KCNAB1: variants seen among roughly 807,000 people sequenced by gnomAD.
KCNAB1 encodes potassium voltage-gated channel subfamily A regulatory beta subunit 1, also known as voltage-gated potassium channel subunit beta-1.
In KCNAB1, 35 loss-of-function variants were observed where a neutral mutation model predicts 64.6. The ratio of observed to expected loss-of-function variants is 0.54; its 90% CI spans 0.41 to 0.72. The LOEUF (loss-of-function observed/expected upper bound fraction) is 0.72, where lower values mean the gene tolerates loss of function less well. Ranked by LOEUF, KCNAB1 falls within the 30% of genes least tolerant of loss-of-function variation. The pLI, the probability that KCNAB1 is intolerant of heterozygous loss-of-function variation, is 0.00. For synonymous variants in KCNAB1, 177 were observed against 183.8 expected (o/e 0.96, Z 0.30); for missense variants, 401 against 512.9 (o/e 0.78, Z 2.11).
chr3:156,444,146 GA>G (rs1245467741), intron 2 of KCNAB1, among the ~76,000 whole-genome samples: 1 of 152,218 alleles, frequency 6.6e-6, no homozygotes, highest in East Asian at 1.9e-4. Flanking sequence ...ATGCGAGCCA[GA>G]ACAAGGAAGA....
chr3:156,356,121 A>G (rs1223398533), intron 1 of KCNAB1, among the ~76,000 whole-genome samples: 6 of 148,744 alleles, frequency 4.0e-5, no homozygotes, highest in Middle Eastern at 3.4e-3. Context: ...GACCCTGTAA[A>G]AAAAAAAAAA....
intron 3 of KCNAB1, among the ~76,000 whole-genome samples, chr3:156,455,519 G>A (rs1215786141): frequency 6.6e-6 from 1 of 152,158 alleles, no homozygotes; most frequent in Non-Finnish European, 1.5e-5. Context: ...ATAATGATGA[G>A]AGCATATTAA....
At chr3:156,329,745 C>A (rs1723209295) in intron 1 of KCNAB1, among the ~76,000 whole-genome samples, 1 of 152,106 alleles carries the variant, frequency 6.6e-6, no homozygotes, top group South Asian at 2.1e-4. Flanking sequence ...CCACAGGGAC[C>A]ATCCAATAGA....
intron 1 of KCNAB1, among the ~76,000 whole-genome samples, chr3:156,155,344 T>C (rs2108300281): frequency 6.6e-6 from 1 of 152,312 alleles, no homozygotes; most frequent in South Asian, 2.1e-4. Context: ...TTTTAAAGGA[T>C]TTAATTCTAG....
At chr3:156,400,350 A>G (rs1454420279) in intron 1 of KCNAB1, among the ~76,000 whole-genome samples, 2 of 152,188 alleles carry the variant, frequency 1.3e-5, no homozygotes, top group African/African-American at 4.8e-5. Context: ...GCCCTTGTCA[A>G]TCGAAGGCAG....
chr3:156,483,223 C>T (rs1714959817), intron 8 of KCNAB1, among the ~76,000 whole-genome samples: 1 of 152,046 alleles, frequency 6.6e-6, no homozygotes, highest in Non-Finnish European at 1.5e-5. Flanking sequence ...CAGTAGTATA[C>T]TTGGAAAGAC....
intron 1 of KCNAB1, among the ~76,000 whole-genome samples, chr3:156,177,873 G>A (rs925116929): frequency 2.6e-5 from 4 of 151,518 alleles, no homozygotes; most frequent in African/African-American, 9.7e-5. Flanking sequence ...GAGTAGCTGG[G>A]ATTATAGGCG....
At chr3:156,488,921 GAA>G (rs1576931800) in intron 8 of KCNAB1, among the ~76,000 whole-genome samples, 2 of 152,258 alleles carry the variant, frequency 1.3e-5, no homozygotes, top group East Asian at 3.9e-4. Flanking sequence ...GTGACTGAAA[GAA>G]AAGAGTGAAG....
intron 1 of KCNAB1, among the ~76,000 whole-genome samples, chr3:156,209,982 A>G (rs1383858673): frequency 6.6e-6 from 1 of 152,216 alleles, no homozygotes; most frequent in East Asian, 1.9e-4. Flanking sequence ...TTAGCTTGAT[A>G]TTAATTTAAA....
At chr3:156,122,142 G>C (rs576101743) in intron 1 of KCNAB1, among the ~76,000 whole-genome samples, 1 of 151,450 alleles carries the variant, frequency 6.6e-6, no homozygotes, top group African/African-American at 2.4e-5. Flanking sequence ...TGTATATGCT[G>C]TTGGGCCCAC....
At chr3:156,182,187 C>A (rs1454984020) in intron 1 of KCNAB1, among the ~76,000 whole-genome samples, 1 of 152,136 alleles carries the variant, frequency 6.6e-6, no homozygotes, top group Admixed American at 6.5e-5. Context: ...AAGTCTAATA[C>A]CTTCTGCAAG....
At chr3:156,150,219 T>G (rs1475410439) in intron 1 of KCNAB1, among the ~76,000 whole-genome samples, 1 of 152,222 alleles carries the variant, frequency 6.6e-6, no homozygotes, top group African/African-American at 2.4e-5. Flanking sequence ...GAAAGGGGCT[T>G]ATTCAAAACA....
intron 1 of KCNAB1, among the ~76,000 whole-genome samples, chr3:156,207,159 A>G (rs752567733): frequency 7.2e-5 from 11 of 152,218 alleles, no homozygotes; most frequent in Non-Finnish European, 1.6e-4. Context: ...GCCTACATCA[A>G]TAAGAGGCCT....
chr3:156,311,435 G>T (rs969676503), intron 1 of KCNAB1, among the ~76,000 whole-genome samples: 2 of 152,210 alleles, frequency 1.3e-5, no homozygotes, highest in African/African-American at 4.8e-5. Context: ...AGGCTTCAGG[G>T]AGAAGGTAGG....
rs1274026196 is a variant in KCNAB1, at chr3:156,536,886, G to A, written c.*139G>A. ...AGTGTCCCTCCCTGGATTCTTTGAG[G>A]TGTCTGCTGTCGCTACCACTGTGCA... On this transcript the variant is annotated 3_prime_UTR_variant, in exon 14 of 14. Transcript: ENST00000490337. The A allele has an allele frequency of 1.2e-5, 8 of 647,260 alleles. No homozygotes were observed. In the East Asian group the frequency reaches 1.9e-4, roughly 15 times the overall value. The allele number at this position is 647,260 out of a possible 1,614,324, so 40.1% of individuals were successfully genotyped here.
At chr3:156,124,517 G>A (rs1417581120) in intron 1 of KCNAB1, among the ~76,000 whole-genome samples, 7 of 151,800 alleles carry the variant, frequency 4.6e-5, no homozygotes, top group South Asian at 2.1e-4. Flanking sequence ...GTGCCTGGCC[G>A]AGGCTCTATT....
At chr3:156,404,602 G>A (rs1053730355) in intron 1 of KCNAB1, among the ~76,000 whole-genome samples, 1 of 152,178 alleles carries the variant, frequency 6.6e-6, no homozygotes. Flanking sequence ...AATAGGTTAA[G>A]GCAAGCATTA....
intron 1 of KCNAB1, among the ~76,000 whole-genome samples, chr3:156,359,116 T>C (rs557804403): frequency 6.6e-6 from 1 of 152,346 alleles, no homozygotes; most frequent in East Asian, 1.9e-4. Context: ...GAGGTGTATA[T>C]ATTACTTGCA....
At chr3:156,469,409 A>T (rs1713706821) in intron 7 of KCNAB1, among the ~76,000 whole-genome samples, 1 of 151,536 alleles carries the variant, frequency 6.6e-6, no homozygotes, top group African/African-American at 2.4e-5. Flanking sequence ...GTCATGTGCC[A>T]CCGTGCCCAG....
Sources: gnomAD v4.1 joint callset for allele counts (sites outside exome capture counted in the v4.1 genomes callset) on GRCh38, gnomAD v4.1.1 for gene constraint, MANE v1.5 for transcripts, NCBI Gene and HGNC (gene_info 2026-07-23, HGNC 2026-07-21) for gene names.